SAP130: variants seen among roughly 807,000 people sequenced by gnomAD.
The protein encoded by SAP130 is Sin3A associated protein 130.
A neutral mutation model predicts 103.2 loss-of-function variants in SAP130; 16 were observed. The observed-to-expected ratio is 0.16, with a 90% CI of 0.10 to 0.24. The LOEUF (loss-of-function observed/expected upper bound fraction) is 0.24, where lower values mean the gene tolerates loss of function less well. Among genes scored for constraint, SAP130 ranks in the 10% least tolerant of loss-of-function variants. The pLI is 1.00. For missense variants in SAP130, 990 were observed against 1,359.7 expected, an observed-to-expected ratio of 0.73 and a Z score of 4.28; for synonymous variants, 477 against 497.0, an observed-to-expected ratio of 0.96 and a Z score of 0.53.
intron 19 of SAP130, among the ~76,000 whole-genome samples, chr2:127,943,358 A>G (rs1678842740): frequency 1.3e-5 from 2 of 152,244 alleles, no homozygotes; most frequent in African/African-American, 4.8e-5. Context: ...CACTGGATGG[A>G]TAAGATTAAC....
At chr2:127,985,808 A>G (rs888739106) in intron 14 of SAP130, among the ~76,000 whole-genome samples, 8 of 152,042 alleles carry the variant, frequency 5.3e-5, no homozygotes, top group African/African-American at 1.9e-4. Flanking sequence ...AAAACCTCCG[A>G]GACCCTAGCA....
intron 2 of SAP130, among the ~76,000 whole-genome samples, chr2:128,021,757 TACAAGCTGC>T (rs1415477252): frequency 2.7e-5 from 4 of 147,778 alleles, no homozygotes; most frequent in Middle Eastern, 3.4e-3. Context: ...ATTAGCAGTA[TACAAGCTGC>T]TCCTCTTCCT....
intron 16 of SAP130, among the ~76,000 whole-genome samples, 196 bp from the exon 17 acceptor site, chr2:127,950,604 T>A (rs1475371075): frequency 6.6e-6 from 1 of 152,216 alleles, no homozygotes; most frequent in Non-Finnish European, 1.5e-5. Flanking sequence ...CATATCTTCA[T>A]CTTCCTTAGG....
intron 2 of SAP130, among the ~76,000 whole-genome samples, chr2:128,022,855 G>T (rs1388248895): frequency 6.6e-6 from 1 of 151,566 alleles, no homozygotes; most frequent in Non-Finnish European, 1.5e-5. Context: ...CTGGAGACAA[G>T]ATCTCACTCC....
At chr2:128,013,341 CCT>C (rs1684534296) in intron 5 of SAP130, among the ~76,000 whole-genome samples, 187 bp from the exon 6 acceptor site, 1 of 152,054 alleles carries the variant, frequency 6.6e-6, no homozygotes, top group African/African-American at 2.4e-5. Flanking sequence ...ATTTATATTG[CCT>C]CTTCACAGAC....
chr2:127,989,687 G>C lies in SAP130; in HGVS notation c.1657C>G (p.Pro553Ala). 6.2e-7 allele frequency: 1 copy of C among 1,614,158 alleles called. No homozygotes were observed. The change falls in exon 13 of 21, where the codon CCA (proline) becomes GCA (alanine). Residue 553 changes from proline to alanine, a missense_variant. Pro to Ala is a conservative substitution (Grantham distance 27). Transcript: ENST00000643581. This position sits in a 1 kb window ranked among gnomAD's most constrained non-coding sequence, Gnocchi z 4.6. Reference protein sequence around the residue: ...QGIQPAPIGTPGIQPAPLGTQ... With the variant: ...QGIQPAPIGTAGIQPAPLGTQ... ...CCAAGTGGTGCAGGCTGTATCCCTGGGGTCCCAATGGGGGCCGGCTGGATA... is the reference window on the plus strand; with the variant it reads ...CCAAGTGGTGCAGGCTGTATCCCTGCGGTCCCAATGGGGGCCGGCTGGATA...
chr2:127,988,298 C>T (rs964368025), intron 13 of SAP130, among the ~76,000 whole-genome samples: 1 of 151,854 alleles, frequency 6.6e-6, no homozygotes, highest in Non-Finnish European at 1.5e-5. Context: ...GTGGCATGCA[C>T]TTGTAGTCCT....
chr2:127,972,657 C>G (rs1262800345), intron 15 of SAP130, among the ~76,000 whole-genome samples: 2 of 152,078 alleles, frequency 1.3e-5, no homozygotes, highest in Non-Finnish European at 2.9e-5. Flanking sequence ...ACTTGGGAGG[C>G]TGAGGCAGGA....
intron 6 of SAP130, among the ~76,000 whole-genome samples, chr2:128,012,207 C>T (rs1477628867): frequency 1.3e-5 from 2 of 152,172 alleles, no homozygotes; most frequent in South Asian, 2.1e-4. Context: ...CAGTAGCTCA[C>T]GCCTGTAATC....
At chr2:128,004,515 G>C (rs1407046622) in intron 7 of SAP130, among the ~76,000 whole-genome samples, 2 of 151,812 alleles carry the variant, frequency 1.3e-5, no homozygotes, top group African/African-American at 4.8e-5. Flanking sequence ...CCTGAAGAGA[G>C]AATTTCTGGG....
chr2:127,947,764 C>CTGTGTGTGTGAGTGTGTGTGCG (rs147211610), intron 18 of SAP130, among the ~76,000 whole-genome samples: 1 of 143,312 alleles, frequency 7.0e-6, no homozygotes, highest in Non-Finnish European at 1.5e-5. Flanking sequence ...TTGTGTGTGT[C>CTGTGTGTGTGAGTGTGTGTGCG]TGTGTGTGTG....
intron 18 of SAP130, among the ~76,000 whole-genome samples, chr2:127,946,663 A>ACT (rs1679096529): frequency 6.6e-6 from 1 of 151,776 alleles, no homozygotes; most frequent in Non-Finnish European, 1.5e-5. Flanking sequence ...CAGGTGGATC[A>ACT]CTTGAGGTCA....
At chr2:128,005,528 T>C (rs1683892604) in intron 7 of SAP130, among the ~76,000 whole-genome samples, 1 of 151,608 alleles carries the variant, frequency 6.6e-6, no homozygotes, top group Non-Finnish European at 1.5e-5. Flanking sequence ...GGCAAGAGAA[T>C]GGCTTGAACC....
intron 15 of SAP130, among the ~76,000 whole-genome samples, chr2:127,974,753 T>C (rs1298440753): frequency 1.3e-5 from 2 of 152,128 alleles, no homozygotes; most frequent in Non-Finnish European, 1.5e-5. Context: ...GCAGAGGTTG[T>C]GGGGAGCCGA....
rs201895130 is a variant in SAP130, at chr2:127,996,346, C to T, written c.1355+4G>A. The stretch of plus-strand genomic sequence containing the variant: ...GGCAGAATAACTGACACACAGCCTC[C>T]TACCTGTTGTCACTTCGGGTTTCCA... On this transcript the variant is annotated splice_donor_region_variant and intron_variant, in intron 11 of 20. Transcript: ENST00000643581. The surrounding 1 kb of genome is among the most constrained non-coding windows in gnomAD (Gnocchi z 4.3). The T allele has an allele frequency of 3.9e-5, 63 of 1,597,172 alleles. No homozygotes were observed. Among genetic ancestry groups the T allele is most frequent in the East Asian group, 9.1e-5 (4 of 44,000 alleles).
Position 128,021,223 on chromosome 2 carries a change from C to T in SAP130, c.113-3308G>A, listed in dbSNP as rs190852394. On this transcript the variant is annotated intron_variant, in intron 2 of 20. Coordinates refer to ENST00000643581, the MANE Select transcript of SAP130 (RefSeq NM_001330301.2). The stretch of plus-strand genomic sequence containing the variant: ...CAGCACTTTGGGAGGCCAAGGCGGG[C>T]GGATCACAAAGTCAGGAGTTTGAGA... Among the ~76,000 whole-genome samples, 1,103 of 151,974 alleles carry T rather than the reference C, an allele frequency of 7.3e-3. 19 individuals are homozygous for T. Among genetic ancestry groups the T allele is most frequent in the South Asian group, 0.065 (311 of 4,816 alleles).
chr2:127,962,209 G>C (rs1478781012), intron 15 of SAP130, among the ~76,000 whole-genome samples: 3 of 152,138 alleles, frequency 2.0e-5, no homozygotes, highest in Non-Finnish European at 4.4e-5. Context: ...GATTTTGCCA[G>C]TATGAAAGGT....
At chr2:127,983,641 G>A (rs555776353) in intron 14 of SAP130, among the ~76,000 whole-genome samples, 1 of 152,166 alleles carries the variant, frequency 6.6e-6, no homozygotes, top group Non-Finnish European at 1.5e-5. Context: ...TGAATTAGAG[G>A]GCACAGTACA....
chr2:127,988,258 C>CA (rs2105001376), intron 13 of SAP130, among the ~76,000 whole-genome samples: 1 of 150,138 alleles, frequency 6.7e-6, no homozygotes, highest in African/African-American at 2.4e-5. Context: ...CCTGTTTCTA[C>CA]AAAAAATCAA....
Sources: gnomAD v4.1 joint callset for allele counts (sites outside exome capture counted in the v4.1 genomes callset) on GRCh38, gnomAD v4.1.1 for gene constraint, Gnocchi (gnomAD v3.1) non-coding constraint, MANE v1.5 for transcripts, NCBI Gene and HGNC (gene_info 2026-07-23, HGNC 2026-07-21) for gene names.